The following RNGTT variants were observed in gnomAD, a reference collection of about 807,000 sequenced individuals.
The protein encoded by RNGTT is RNA guanylyltransferase and 5'-phosphatase.
A neutral mutation model predicts 79.3 loss-of-function variants in RNGTT; 33 were observed. The ratio of observed to expected loss-of-function variants is 0.42; its 90% confidence interval spans 0.32 to 0.56. RNGTT has a LOEUF of 0.56. Ranked by LOEUF, RNGTT falls within the 20% of genes least tolerant of loss-of-function variation. The probability of loss-of-function intolerance (pLI) is 0.17; values close to 1 mark genes in which losing one functional copy is unlikely to be tolerated. For missense variants in RNGTT, 497 were observed against 739.1 expected (o/e 0.67, Z 3.80); for synonymous variants, 222 against 235.9 (o/e 0.94, Z 0.54).
chr6:88,771,301 GTA>G (rs1372450348), intron 12 of RNGTT, among the ~76,000 whole-genome samples: 9 of 67,276 alleles, frequency 1.3e-4, no homozygotes, highest in African/African-American at 4.1e-4. Flanking sequence ...CTGTATGTAT[GTA>G]TGTGTGTGTG....
At chr6:88,863,030 T>C (rs1582555937) in intron 8 of RNGTT, among the ~76,000 whole-genome samples, 1 of 152,228 alleles carries the variant, frequency 6.6e-6, no homozygotes, top group Admixed American at 6.5e-5. Context: ...TGACTGATTA[T>C]GGCTTTATGG....
rs35623392 is a variant in RNGTT, at chr6:88,704,259, C to CAAAAA, written c.1440-25845_1440-25841dup. 2.1e-3 allele frequency among the ~76,000 whole-genome samples: 103 copies of CAAAAA among 48,718 alleles called. 9 individuals carry two copies. Among genetic ancestry groups the CAAAAA allele is most frequent in the African/African-American group, 6.0e-3 (90 of 15,054 alleles). 32.0% of individuals were successfully genotyped at this position (48,718 alleles called of 152,430 possible). ...TGGGTGACAGAGCGAGACTCTGTCT[C>CAAAAA]AAAAAAAAAAAAAAAAAAAAAAAAA... On this transcript the variant is annotated intron_variant, in intron 13 of 15. Coordinates refer to ENST00000369485, the MANE Select transcript of RNGTT (RefSeq NM_003800.5).
At chr6:88,939,704 T>C (rs1784784354) in intron 2 of RNGTT, among the ~76,000 whole-genome samples, 1 of 151,952 alleles carries the variant, frequency 6.6e-6, no homozygotes, top group Admixed American at 6.6e-5. Context: ...GCATATTTCT[T>C]GCTCTTTCAT....
At chr6:88,756,405 G>A (rs983229807) in intron 13 of RNGTT, among the ~76,000 whole-genome samples, 26 of 151,760 alleles carry the variant, frequency 1.7e-4, no homozygotes, top group African/African-American at 4.6e-4. Flanking sequence ...CCAGGGCGGC[G>A]GAGGTTGCAG....
At chr6:88,667,024 T>C (rs896827381) in intron 14 of RNGTT, among the ~76,000 whole-genome samples, 1 of 152,198 alleles carries the variant, frequency 6.6e-6, no homozygotes, top group Non-Finnish European at 1.5e-5. Context: ...TATGGAAGCC[T>C]CGGAGGGTGG....
At chr6:88,660,384 C>T (rs899461505) in intron 14 of RNGTT, among the ~76,000 whole-genome samples, 2 of 152,062 alleles carry the variant, frequency 1.3e-5, no homozygotes, top group Non-Finnish European at 1.5e-5. Context: ...AATCCACCAA[C>T]CAAGTATCCT....
chr6:88,614,621 C>T (rs1772152927), intron 14 of RNGTT, among the ~76,000 whole-genome samples: 1 of 152,102 alleles, frequency 6.6e-6, no homozygotes, highest in African/African-American at 2.4e-5. Context: ...AAATGGCTGT[C>T]AATATATAGC....
chr6:88,884,959 T>C (rs1051708318), intron 8 of RNGTT, among the ~76,000 whole-genome samples: 3 of 151,512 alleles, frequency 2.0e-5, no homozygotes, highest in African/African-American at 7.3e-5. Flanking sequence ...GAGAGAGGAG[T>C]TACAAATAGA....
chr6:88,909,002 C>G (rs953675791), intron 4 of RNGTT, among the ~76,000 whole-genome samples: 20 of 152,226 alleles, frequency 1.3e-4, no homozygotes, highest in Admixed American at 8.5e-4. Context: ...GCACACTGCC[C>G]AGGGGTATTG....
chr6:88,664,127 T>C (rs972407982), intron 14 of RNGTT, among the ~76,000 whole-genome samples: 1 of 151,996 alleles, frequency 6.6e-6, no homozygotes, highest in African/African-American at 2.4e-5. Flanking sequence ...TGACCCTTAA[T>C]AGGATCCAAA....
intron 4 of RNGTT, among the ~76,000 whole-genome samples, chr6:88,928,685 A>G (rs539799591): frequency 7.9e-5 from 12 of 152,212 alleles, no homozygotes; most frequent in Non-Finnish European, 1.2e-4. Flanking sequence ...AGAATAATAT[A>G]GTATAAAATG....
At chr6:88,819,879 C>T (rs750077718) in intron 11 of RNGTT, among the ~76,000 whole-genome samples, 8 of 152,064 alleles carry the variant, frequency 5.3e-5, no homozygotes, top group Admixed American at 1.3e-4. Context: ...GCTACAGCTG[C>T]GGATCTTTAT....
intron 11 of RNGTT, among the ~76,000 whole-genome samples, chr6:88,817,373 GGCTTACACCTGTAATCCAAAC>G (rs1343616739): frequency 1.3e-5 from 2 of 151,606 alleles, no homozygotes; most frequent in Non-Finnish European, 2.9e-5. Context: ...CAGGCACAGT[GGCTTACACCTGTAATCCAAAC>G]GCTTTGGGAG....
intron 12 of RNGTT, among the ~76,000 whole-genome samples, chr6:88,775,305 TAC>T (rs1250312433): frequency 6.6e-6 from 1 of 152,208 alleles, no homozygotes; most frequent in African/African-American, 2.4e-5. Context: ...TATTATTAAG[TAC>T]AGTCATTGTG....
chr6:88,870,639 G>A (rs992696697), intron 8 of RNGTT, among the ~76,000 whole-genome samples: 3 of 151,898 alleles, frequency 2.0e-5, no homozygotes, highest in East Asian at 1.9e-4. Context: ...ACTTTAATAC[G>A]GCTACATTGT....
intron 13 of RNGTT, among the ~76,000 whole-genome samples, chr6:88,695,010 G>A (rs370818181): frequency 6.6e-6 from 1 of 151,900 alleles, no homozygotes; most frequent in African/African-American, 2.4e-5. Flanking sequence ...TTGTTATAGC[G>A]CACAAACAAA....
intron 8 of RNGTT, among the ~76,000 whole-genome samples, chr6:88,880,519 T>C (rs931041549): frequency 6.6e-6 from 1 of 152,150 alleles, no homozygotes; most frequent in African/African-American, 2.4e-5. Flanking sequence ...TCAAAAGATA[T>C]AAATACAGAT....
rs558723056 is a variant in RNGTT at position 88,875,134 on chromosome 6, T to A, written c.896+15361A>T. Among the ~76,000 whole-genome samples, 7 of 152,124 alleles carry A rather than the reference T, an allele frequency of 4.6e-5. No homozygotes were observed. In the East Asian group the frequency reaches 1.4e-3, roughly 29 times the overall value. ...ATATTGTCTGCAAATATATTTATTA[T>A]CCCATTAAGTGAAAGGAGCAATGCA... is the stretch of plus-strand genomic sequence containing the variant. On this transcript the variant is annotated intron_variant, in intron 8 of 15. Transcript: ENST00000369485.
At chr6:88,629,727 T>C (rs1274280574) in intron 14 of RNGTT, among the ~76,000 whole-genome samples, 2 of 152,178 alleles carry the variant, frequency 1.3e-5, no homozygotes, top group Non-Finnish European at 2.9e-5. Flanking sequence ...TTACCACTAT[T>C]TTCTGGAAAG....
Sources: gnomAD v4.1 joint callset for allele counts (sites outside exome capture counted in the v4.1 genomes callset) on GRCh38, gnomAD v4.1.1 for gene constraint, MANE v1.5 for transcripts, NCBI Gene and HGNC (gene_info 2026-07-23, HGNC 2026-07-21) for gene names.